Variants in CDH4 observed in about 807,000 individuals in gnomAD.
CDH4 encodes cadherin 4, also known as cadherin-4.
A neutral mutation model predicts 86.0 loss-of-function variants in CDH4; 33 were observed. The observed-to-expected ratio is 0.38, with a 90% CI of 0.29 to 0.51. The LOEUF is 0.51. CDH4 is among the 20% of genes least tolerant of loss of function. The pLI, the probability that CDH4 is intolerant of heterozygous loss-of-function variation, is 0.86. For missense variants in CDH4, 1,114 were observed against 1,307.4 expected, an observed-to-expected ratio of 0.85 and a Z score of 2.28; for synonymous variants, 555 against 549.4, an observed-to-expected ratio of 1.01 and a Z score of -0.14.
intron 2 of CDH4, among the ~76,000 whole-genome samples, chr20:61,412,959 A>G (rs947263749): frequency 1.3e-5 from 2 of 152,242 alleles, no homozygotes; most frequent in South Asian, 4.2e-4. Context: ...GGCTGTGTTG[A>G]TAGAACCCTG....
intron 2 of CDH4, among the ~76,000 whole-genome samples, chr20:61,648,500 C>T (rs1016841576): frequency 6.6e-6 from 1 of 152,186 alleles, no homozygotes; most frequent in Non-Finnish European, 1.5e-5. Context: ...CCAGCTCTGC[C>T]GAGCCCCACT....
At chr20:61,422,706 A>G (rs1483528304) in intron 2 of CDH4, among the ~76,000 whole-genome samples, 1 of 152,156 alleles carries the variant, frequency 6.6e-6, no homozygotes, top group African/African-American at 2.4e-5. Context: ...CCTCAGCTGC[A>G]GAAGGGGCCT....
At position 61,884,135 on chromosome 20, in the gene CDH4, T is replaced by C. The variant is rs867081900; in HGVS notation, c.1050+10235T>C. ...GCAGAAAGCAAACCTGGCTGTAGAG[T>C]GAGAGGGGAGGGTCTGCTGGAGTTG... On this transcript the variant is annotated intron_variant, in intron 7 of 15. Coordinates refer to ENST00000614565, the MANE Select transcript of CDH4 (RefSeq NM_001794.5). 1.5e-4 allele frequency among the ~76,000 whole-genome samples: 23 copies of C among 151,238 alleles called. 1 individual carries two copies. The highest frequency in any genetic ancestry group is 2.4e-4 in the Non-Finnish European group (16 of 67,798).
At chr20:61,936,519 G>C (rs963110183) in intron 15 of CDH4, among the ~76,000 whole-genome samples, 19 of 141,406 alleles carry the variant, frequency 1.3e-4, no homozygotes, top group Non-Finnish European at 1.5e-5. Flanking sequence ...TGCTGGATTT[G>C]AGTTTGCCCC....
chr20:61,616,726 CA>C (rs2086727951), intron 2 of CDH4, among the ~76,000 whole-genome samples: 1 of 152,164 alleles, frequency 6.6e-6, no homozygotes, highest in African/African-American at 2.4e-5. Context: ...TCCTGGACCC[CA>C]AAAATGGTCA....
rs150994538 is a variant in CDH4 at position 61,665,016 on chromosome 20, T to C, written c.170-78547T>C. On this transcript the variant is annotated intron_variant, in intron 2 of 15. Coordinates refer to ENST00000614565, the MANE Select transcript of CDH4 (RefSeq NM_001794.5). ...CTTCTACCAACCCATTCGTCTGAGA[T>C]TGAGTAAATGAAAATCTCTAGCTGC... Among the ~76,000 whole-genome samples, 645 of 152,368 alleles carry C rather than the reference T, an allele frequency of 4.2e-3. 3 individuals are homozygous for C. Among genetic ancestry groups the C allele is most frequent in the African/African-American group, 0.014 (580 of 41,588 alleles).
At position 61,620,945 on chromosome 20, in the gene CDH4, G is replaced by C. The variant is rs143598909; in HGVS notation, c.170-122618G>C. 4.6e-3 allele frequency among the ~76,000 whole-genome samples: 706 copies of C among 152,376 alleles called. 2 individuals are homozygous for C. The highest frequency in any genetic ancestry group is 7.3e-3 in the Non-Finnish European group (496 of 68,038). On this transcript the variant is annotated intron_variant, in intron 2 of 15. Transcript: ENST00000614565. The stretch of plus-strand genomic sequence containing the variant: ...CGCTTCTTCCACGCGGGAAGGTTCA[G>C]CTTTCCTGGGTCTCTGGTTCATCCC...
chr20:61,852,688 C>T (rs900111400), intron 5 of CDH4, 66 bp from the exon 6 acceptor site: 3 of 1,547,344 alleles, frequency 1.9e-6, no homozygotes, highest in African/African-American at 2.8e-5. Context: ...CCGCGGGTCC[C>T]AGGCCGCTCT....
intron 6 of CDH4, among the ~76,000 whole-genome samples, chr20:61,866,980 C>T (rs534282699): frequency 9.8e-5 from 15 of 152,336 alleles, no homozygotes; most frequent in African/African-American, 1.4e-4. Context: ...CGCCCTTTCC[C>T]GGGAAGGAGA....
At position 61,852,901 on chromosome 20, in the gene CDH4, G is replaced by A. The variant is rs1367674141; in HGVS notation, c.877+3G>A. On this transcript the variant is annotated splice_donor_region_variant and intron_variant, in intron 6 of 15. Transcript: ENST00000614565. ...CGTGGACGAGGGCTCCAAGCCAGGT[G>A]AGGCCTTTAGCGTTTGCTTGCTGGA... 6.2e-7 allele frequency: 1 copy of A among 1,613,548 alleles called. No homozygotes were observed. Among genetic ancestry groups the A allele is most frequent in the Non-Finnish European group, 8.5e-7 (1 of 1,179,804 alleles).
intron 2 of CDH4, among the ~76,000 whole-genome samples, chr20:61,541,150 C>T (rs2086036512): frequency 6.6e-6 from 1 of 152,196 alleles, no homozygotes. Context: ...TTAACCACCC[C>T]AGTCGTCATT....
chr20:61,920,590 T>C (rs2054966515), intron 9 of CDH4, among the ~76,000 whole-genome samples: 1 of 150,338 alleles, frequency 6.7e-6, no homozygotes, highest in Non-Finnish European at 1.5e-5. Context: ...TGTGATTGCG[T>C]GGAAGCGTGG....
intron 8 of CDH4, among the ~76,000 whole-genome samples, chr20:61,904,391 T>C (rs1252288931): frequency 6.6e-6 from 1 of 152,118 alleles, no homozygotes; most frequent in African/African-American, 2.4e-5. Flanking sequence ...CTGGGGACTC[T>C]CCGGCAGCTT....
intron 3 of CDH4, among the ~76,000 whole-genome samples, chr20:61,761,535 G>A (rs747215359): frequency 2.6e-5 from 4 of 152,098 alleles, no homozygotes; most frequent in Non-Finnish European, 5.9e-5. Context: ...ACATTAGAAC[G>A]TTCAGCAAAA....
intron 4 of CDH4, among the ~76,000 whole-genome samples, chr20:61,793,982 C>A (rs1436543325): frequency 3.5e-5 from 5 of 142,476 alleles, no homozygotes; most frequent in Non-Finnish European, 4.6e-5. Flanking sequence ...ACTAAAAATA[C>A]AAAAAAAAAA....
Position 61,644,225 on chromosome 20 carries a change from G to A in CDH4, c.170-99338G>A, listed in dbSNP as rs186079761. ...CTTGGCAGGCCAAGGTCAAGGCTCC[G>A]TCCAGAAGAGGGCCCAGAGGAGACT... On this transcript the variant is annotated intron_variant, in intron 2 of 15. Transcript: ENST00000614565. Among the ~76,000 whole-genome samples the A allele has an allele frequency of 1.2e-3, 188 of 152,350 alleles. 1 individual carries two copies. Among genetic ancestry groups the A allele is most frequent in the African/African-American group, 4.2e-3 (173 of 41,578 alleles).
At chr20:61,275,137 G>A (rs1178984914) in intron 2 of CDH4, among the ~76,000 whole-genome samples, 7 of 127,430 alleles carry the variant, frequency 5.5e-5, no homozygotes, top group Middle Eastern at 6.0e-3. Context: ...AGTACTGTGT[G>A]CAGTTTGGGG....
At chr20:61,876,532 C>T (rs1984032513) in intron 7 of CDH4, among the ~76,000 whole-genome samples, 2 of 152,246 alleles carry the variant, frequency 1.3e-5, no homozygotes, top group South Asian at 2.1e-4. Flanking sequence ...TGCAGGCGTG[C>T]GGAGGGTTCT....
chr20:61,300,302 A>T (rs997516283), intron 2 of CDH4, among the ~76,000 whole-genome samples: 1 of 151,910 alleles, frequency 6.6e-6, no homozygotes, highest in Non-Finnish European at 1.5e-5. Context: ...TGAGCAGGAG[A>T]AGGGCCACAT....
Sources: allele counts gnomAD v4.1 joint callset (sites outside exome capture counted in the v4.1 genomes callset), GRCh38; gene constraint gnomAD v4.1.1; transcripts MANE v1.5; gene names NCBI Gene and HGNC (gene_info 2026-07-23, HGNC 2026-07-21).